Variants in SKAP1 observed in about 807,000 individuals in gnomAD.
SKAP1 encodes src kinase-associated phosphoprotein 1.
In SKAP1, 44 loss-of-function variants were observed where a neutral mutation model predicts 58.5. The ratio of observed to expected loss-of-function variants is 0.75; its 90% CI spans 0.59 to 0.97. SKAP1 has a LOEUF of 0.97. Ranked by LOEUF, SKAP1 falls within the 50% of genes least tolerant of loss-of-function variation. SKAP1 has a pLI of 0.00. For synonymous variants in SKAP1, 127 were observed against 149.7 expected, an observed-to-expected ratio of 0.85 and a Z score of 1.11; for missense variants, 390 against 435.2, an observed-to-expected ratio of 0.90 and a Z score of 0.92.
intron 4 of SKAP1, among the ~76,000 whole-genome samples, chr17:48,316,490 T>G (rs2066289053): frequency 6.6e-6 from 1 of 152,212 alleles, no homozygotes; most frequent in Non-Finnish European, 1.5e-5. Context: ...ACTGTCACCC[T>G]TTTTAGTCAT....
chr17:48,341,394 A>C (rs1433446567), intron 4 of SKAP1, among the ~76,000 whole-genome samples: 1 of 152,206 alleles, frequency 6.6e-6, no homozygotes, highest in Non-Finnish European at 1.5e-5. Context: ...AATAAAACCC[A>C]CAATGATCAA....
intron 4 of SKAP1, among the ~76,000 whole-genome samples, chr17:48,326,291 G>A (rs549055526): frequency 6.6e-6 from 1 of 152,296 alleles, no homozygotes; most frequent in African/African-American, 2.4e-5. Context: ...TAAAACTTCT[G>A]TCAAAATCTT....
At chr17:48,255,511 A>T (rs1463976589) in intron 4 of SKAP1, among the ~76,000 whole-genome samples, 1 of 151,794 alleles carries the variant, frequency 6.6e-6, no homozygotes, top group Non-Finnish European at 1.5e-5. Flanking sequence ...ATAGATTTTT[A>T]AAAATCTTGA....
At chr17:48,250,037 T>C (rs2065344138) in intron 4 of SKAP1, among the ~76,000 whole-genome samples, 1 of 151,606 alleles carries the variant, frequency 6.6e-6, no homozygotes, top group East Asian at 2.0e-4. Flanking sequence ...ATGCTGCCAT[T>C]AAAATATCTC....
intron 4 of SKAP1, among the ~76,000 whole-genome samples, chr17:48,337,299 G>T (rs2066586004): frequency 1.3e-5 from 2 of 152,168 alleles, no homozygotes; most frequent in Admixed American, 6.5e-5. Context: ...AGACTAAGAC[G>T]TGGTTCAGCA....
chr17:48,337,980 TCTTC>T (rs1039934760), intron 4 of SKAP1, among the ~76,000 whole-genome samples: 14 of 151,740 alleles, frequency 9.2e-5, no homozygotes, highest in South Asian at 2.1e-4. Flanking sequence ...ACACTTAGTA[TCTTC>T]CTTCCTTCCT....
chr17:48,319,781 G>T (rs541138628), intron 4 of SKAP1, among the ~76,000 whole-genome samples: 1 of 152,306 alleles, frequency 6.6e-6, no homozygotes, highest in East Asian at 1.9e-4. Flanking sequence ...GGTTGAGGCT[G>T]CAGTGAGCAG....
chr17:48,359,794 C>G (rs2066914687), intron 3 of SKAP1, among the ~76,000 whole-genome samples: 2 of 151,920 alleles, frequency 1.3e-5, no homozygotes, highest in South Asian at 4.2e-4. Flanking sequence ...TTTGTAGACA[C>G]AGGGTCTCAC....
intron 1 of SKAP1, among the ~76,000 whole-genome samples, chr17:48,427,025 T>A (rs142082416): frequency 1.8e-3 from 279 of 152,318 alleles, no homozygotes; most frequent in African/African-American, 6.3e-3. Flanking sequence ...TTTACAGAAG[T>A]AATGCATGGT....
At chr17:48,182,771 C>T (rs901057791) in intron 7 of SKAP1, among the ~76,000 whole-genome samples, 5 of 152,118 alleles carry the variant, frequency 3.3e-5, no homozygotes, top group African/African-American at 1.2e-4. Context: ...AGAAGCAAAC[C>T]AACCCACACA....
At chr17:48,309,577 A>T (rs955846762) in intron 4 of SKAP1, among the ~76,000 whole-genome samples, 1 of 152,212 alleles carries the variant, frequency 6.6e-6, no homozygotes, top group Non-Finnish European at 1.5e-5. Context: ...AGATATAAAT[A>T]TATACATATG....
In SKAP1 at chr17:48,148,463, C is replaced by T. The variant is rs539361593; in HGVS notation, c.979-11126G>A. Among the ~76,000 whole-genome samples the T allele has an allele frequency of 4.6e-5, 7 of 152,264 alleles. No individual in the cohort carries two copies. In the South Asian group the frequency reaches 8.3e-4, roughly 18 times the overall value. ...GAATTGTGATACCATGTGAGACGGG[C>T]GTATTAATATGTATTCCATAAACTG... On this transcript the variant is annotated intron_variant, in intron 11 of 12. Transcript: ENST00000336915.
rs148425843 is a variant in SKAP1, at chr17:48,247,008, C to T, written c.281-57508G>A. On this transcript the variant is annotated intron_variant, in intron 4 of 12. Coordinates refer to ENST00000336915, the MANE Select transcript of SKAP1 (RefSeq NM_003726.4). ...TCCCATCCCCCTGACTCATACCTCT[C>T]GCAGTCTCAAAAGTTCTCTCTAACC... is the stretch of plus-strand genomic sequence containing the variant. Among the ~76,000 whole-genome samples, 23 of 152,316 alleles carry T rather than the reference C, an allele frequency of 1.5e-4. No homozygotes were observed. In the East Asian group the frequency reaches 1.7e-3, roughly 11 times the overall value.
At chr17:48,165,567 A>T (rs567686204) in intron 10 of SKAP1, among the ~76,000 whole-genome samples, 2 of 151,760 alleles carry the variant, frequency 1.3e-5, no homozygotes, top group East Asian at 3.9e-4. Context: ...CGCCCAGCTA[A>T]TTTTGTATTT....
At chr17:48,275,966 T>C (rs2144010344) in intron 4 of SKAP1, among the ~76,000 whole-genome samples, 1 of 152,144 alleles carries the variant, frequency 6.6e-6, no homozygotes, top group East Asian at 1.9e-4. Flanking sequence ...GGAGATAACA[T>C]GAAGGGGATG....
intron 2 of SKAP1, among the ~76,000 whole-genome samples, chr17:48,392,856 A>G (rs1390830320): frequency 4.1e-5 from 5 of 121,780 alleles, no homozygotes; most frequent in African/African-American, 2.0e-4. Context: ...ACTCGGTCTC[A>G]AAAAAAATAT....
At chr17:48,340,999 A>T (rs2066643573) in intron 4 of SKAP1, among the ~76,000 whole-genome samples, 1 of 152,144 alleles carries the variant, frequency 6.6e-6, no homozygotes, top group South Asian at 2.1e-4. Context: ...ATCTATTGGA[A>T]CTCTATTCCC....
At chr17:48,384,285 C>T (rs2067250715) in intron 2 of SKAP1, among the ~76,000 whole-genome samples, 1 of 152,114 alleles carries the variant, frequency 6.6e-6, no homozygotes, top group African/African-American at 2.4e-5. Flanking sequence ...AGGATTTTGC[C>T]TTGGGAGCCC....
intron 4 of SKAP1, among the ~76,000 whole-genome samples, chr17:48,214,218 C>A (rs1329777979): frequency 6.6e-6 from 1 of 152,150 alleles, no homozygotes; most frequent in Non-Finnish European, 1.5e-5. Context: ...CAGCTTTCAC[C>A]CTCGAGCCTT....
Sources: allele counts gnomAD v4.1 joint callset (sites outside exome capture counted in the v4.1 genomes callset), GRCh38; gene constraint gnomAD v4.1.1; transcripts MANE v1.5; gene names NCBI Gene and HGNC (gene_info 2026-07-23, HGNC 2026-07-21).